Variants in KIAA1217 observed in about 807,000 individuals in gnomAD.
The protein encoded by KIAA1217 is KIAA1217.
Under a neutral mutation model 163.9 loss-of-function variants are expected in KIAA1217, and 88 were observed. That is an observed-to-expected ratio of 0.54 (90% confidence interval 0.45 to 0.64). KIAA1217 has a LOEUF of 0.64. Ranked by LOEUF, KIAA1217 falls within the 30% of genes least tolerant of loss-of-function variation. The probability of loss-of-function intolerance (pLI) is 0.00; values close to 1 mark genes in which losing one functional copy is unlikely to be tolerated. For synonymous variants in KIAA1217, 903 were observed against 923.1 expected (o/e 0.98, Z 0.39); for missense variants, 2,372 against 2,475.0 (o/e 0.96, Z 0.88).
intron 2 of KIAA1217, among the ~76,000 whole-genome samples, chr10:24,278,047 G>A (rs1259067938): frequency 1.3e-5 from 2 of 152,206 alleles, no homozygotes; most frequent in Admixed American, 6.5e-5. Flanking sequence ...CGAGGACGCC[G>A]TCATGGGTGA....
intron 2 of KIAA1217, among the ~76,000 whole-genome samples, chr10:24,307,928 A>C (rs917170309): frequency 1.3e-5 from 2 of 152,246 alleles, no homozygotes; most frequent in African/African-American, 4.8e-5. Flanking sequence ...AGAGAAACAA[A>C]GGAATGTTGG....
chr10:23,899,620 A>T (rs1179604564), intron 1 of KIAA1217, among the ~76,000 whole-genome samples: 6 of 152,120 alleles, frequency 3.9e-5, no homozygotes, highest in African/African-American at 1.4e-4. Context: ...TAAAATGAGC[A>T]CTGCCCTCAA....
At chr10:24,145,442 G>T (rs1378289773) in intron 2 of KIAA1217, among the ~76,000 whole-genome samples, 1 of 152,198 alleles carries the variant, frequency 6.6e-6, no homozygotes, top group Non-Finnish European at 1.5e-5. Context: ...GCAGTTAATT[G>T]TTGTCAAAGA....
intron 2 of KIAA1217, among the ~76,000 whole-genome samples, chr10:24,090,727 A>G (rs1009841961): frequency 7.2e-5 from 11 of 151,798 alleles, no homozygotes; most frequent in Admixed American, 1.3e-4. Flanking sequence ...CAACTTCACA[A>G]TCGCAGAGCT....
intron 14 of KIAA1217, among the ~76,000 whole-genome samples, chr10:24,529,612 G>A (rs765123962): frequency 1.3e-5 from 2 of 151,888 alleles, no homozygotes; most frequent in African/African-American, 2.4e-5. Context: ...ATCCCCTAAA[G>A]TTCCACTCAC....
chr10:24,322,012 G>A (rs189363722), intron 2 of KIAA1217, among the ~76,000 whole-genome samples: 9 of 152,134 alleles, frequency 5.9e-5, no homozygotes, highest in South Asian at 4.2e-4. Flanking sequence ...GCGGTGGCCC[G>A]ATCTCGGCTC....
chr10:24,215,906 A>G (rs934697694), intron 1 of KIAA1217, among the ~76,000 whole-genome samples: 14 of 152,168 alleles, frequency 9.2e-5, no homozygotes, highest in African/African-American at 3.4e-4. Context: ...AGACAAAAGG[A>G]AGGAGTGAGC....
intron 1 of KIAA1217, among the ~76,000 whole-genome samples, chr10:23,819,750 C>G (rs892865993): frequency 3.3e-5 from 5 of 152,150 alleles, no homozygotes; most frequent in African/African-American, 1.2e-4. Flanking sequence ...TGTGTCGTAA[C>G]ATTGAATTTT....
intron 2 of KIAA1217, among the ~76,000 whole-genome samples, chr10:24,188,192 A>G (rs888738304): frequency 2.0e-5 from 3 of 152,168 alleles, no homozygotes; most frequent in Non-Finnish European, 4.4e-5. Flanking sequence ...GCAAAAAAAA[A>G]GAAAGAAAAG....
At chr10:24,307,612 CAAA>C (rs138090288) in intron 2 of KIAA1217, among the ~76,000 whole-genome samples, 4 of 117,788 alleles carry the variant, frequency 3.4e-5, no homozygotes, top group Admixed American at 9.2e-5. Context: ...CCCATCTCTC[CAAA>C]AAAAAAAAAA....
At chr10:24,299,560 G>A (rs915231101) in intron 2 of KIAA1217, among the ~76,000 whole-genome samples, 2 of 152,038 alleles carry the variant, frequency 1.3e-5, no homozygotes, top group African/African-American at 2.4e-5. Flanking sequence ...CACCACGCCT[G>A]GCTAATTTTT....
chr10:23,799,461 A>G (rs1836369652), intron 1 of KIAA1217, among the ~76,000 whole-genome samples: 1 of 152,208 alleles, frequency 6.6e-6, no homozygotes, highest in Admixed American at 6.5e-5. Context: ...GCATGTTACA[A>G]TTATTCAGCC....
intron 3 of KIAA1217, among the ~76,000 whole-genome samples, chr10:24,403,393 C>A (rs983802578): frequency 1.3e-5 from 2 of 152,158 alleles, no homozygotes; most frequent in Non-Finnish European, 2.9e-5. Flanking sequence ...CATGTGCCAC[C>A]ACACCTTGCT....
intron 2 of KIAA1217, among the ~76,000 whole-genome samples, chr10:24,041,935 G>A (rs573163518): frequency 6.6e-6 from 1 of 150,520 alleles, no homozygotes; most frequent in South Asian, 2.1e-4. Flanking sequence ...GTGCATGCAA[G>A]GGAGTATCGT....
intron 1 of KIAA1217, among the ~76,000 whole-genome samples, chr10:23,702,991 G>A (rs909926270): frequency 1.1e-4 from 17 of 152,100 alleles, no homozygotes; most frequent in African/African-American, 1.4e-4. Context: ...CTCCCAAAGC[G>A]CTTCTGGTTG....
chr10:23,924,370 T>G (rs1842949911), intron 1 of KIAA1217, among the ~76,000 whole-genome samples: 1 of 152,178 alleles, frequency 6.6e-6, no homozygotes, highest in African/African-American at 2.4e-5. Flanking sequence ...TGAAAAAGTC[T>G]AATCATGAAA....
intron 1 of KIAA1217, among the ~76,000 whole-genome samples, chr10:23,945,336 A>G (rs1200058126): frequency 6.6e-6 from 1 of 152,232 alleles, no homozygotes; most frequent in Non-Finnish European, 1.5e-5. Context: ...ACGTGGATGA[A>G]TCTAAAATCA....
chr10:24,491,284 T>TTC (rs34528200), intron 6 of KIAA1217, among the ~76,000 whole-genome samples: 1 of 118,666 alleles, frequency 8.4e-6, no homozygotes, highest in Non-Finnish European at 1.9e-5. Context: ...TTTTTTTTTT[T>TTC]CCTTTTTTTT....
At chr10:24,540,895 C>T (rs1043737713) in intron 17 of KIAA1217, among the ~76,000 whole-genome samples, 6 of 151,480 alleles carry the variant, frequency 4.0e-5, no homozygotes, top group South Asian at 2.1e-4. Flanking sequence ...CAGCCTCCCA[C>T]GTAGCTGATA....
Sources: allele counts gnomAD v4.1 joint callset (sites outside exome capture counted in the v4.1 genomes callset), GRCh38; gene constraint gnomAD v4.1.1; transcripts MANE v1.5; gene names NCBI Gene and HGNC (gene_info 2026-07-23, HGNC 2026-07-21).